Variants in OSBPL1A observed in about 807,000 individuals in gnomAD.
The protein encoded by OSBPL1A is oxysterol-binding protein-related protein 1.
Under a neutral mutation model 137.1 loss-of-function variants are expected in OSBPL1A, and 80 were observed. The observed-to-expected ratio is 0.58, with a 90% CI of 0.49 to 0.70. The LOEUF is 0.70. Among genes scored for constraint, OSBPL1A ranks in the 30% least tolerant of loss-of-function variants. The probability of loss-of-function intolerance (pLI) is 0.00; values close to 1 mark genes in which losing one functional copy is unlikely to be tolerated. For synonymous variants in OSBPL1A, 365 were observed against 389.7 expected, an observed-to-expected ratio of 0.94 and a Z score of 0.75; for missense variants, 970 against 1,129.4, an observed-to-expected ratio of 0.86 and a Z score of 2.02.
chr18:24,211,524 T>G (rs1316566654), intron 17 of OSBPL1A, among the ~76,000 whole-genome samples: 2 of 152,044 alleles, frequency 1.3e-5, no homozygotes, highest in Non-Finnish European at 2.9e-5. Context: ...AACTTTTTTG[T>G]CCCCTGAAAG....
At chr18:24,343,908 T>C (rs1308709464) in intron 4 of OSBPL1A, among the ~76,000 whole-genome samples, 1 of 152,140 alleles carries the variant, frequency 6.6e-6, no homozygotes, top group Non-Finnish European at 1.5e-5. Context: ...GAGTTAACAA[T>C]GATTTCTTGG....
At chr18:24,263,356 G>A (rs1272806570) in intron 15 of OSBPL1A, among the ~76,000 whole-genome samples, 1 of 152,118 alleles carries the variant, frequency 6.6e-6, no homozygotes, top group Non-Finnish European at 1.5e-5. Context: ...AATCTTGTGA[G>A]GTTTGCCACT....
chr18:24,222,670 A>G (rs916992722), intron 17 of OSBPL1A, among the ~76,000 whole-genome samples: 3 of 152,138 alleles, frequency 2.0e-5, no homozygotes, highest in African/African-American at 7.2e-5. Context: ...CTGTTGCACA[A>G]ATAGTTCCAT....
At chr18:24,231,748 C>T (rs1246493887) in intron 16 of OSBPL1A, among the ~76,000 whole-genome samples, 2 of 152,214 alleles carry the variant, frequency 1.3e-5, no homozygotes, top group Admixed American at 6.5e-5. Flanking sequence ...AGATCCTGAC[C>T]GCTATGCTCC....
chr18:24,332,559 T>C (rs1325770769), intron 7 of OSBPL1A, among the ~76,000 whole-genome samples: 1 of 138,552 alleles, frequency 7.2e-6, no homozygotes, highest in African/African-American at 2.9e-5. Flanking sequence ...CAATATGTAT[T>C]AAATAGAAAC....
At chr18:24,272,151 C>T in intron 15 of OSBPL1A, 1 of 983,858 alleles carries the variant, frequency 1.0e-6, no homozygotes, top group Non-Finnish European at 1.2e-6. Flanking sequence ...TCCTTGGGCT[C>T]TACGTGAGTG....
chr18:24,365,755 A>T (rs1370393763), intron 4 of OSBPL1A, among the ~76,000 whole-genome samples: 2 of 152,124 alleles, frequency 1.3e-5, no homozygotes, highest in South Asian at 4.1e-4. Flanking sequence ...ATGTTGCACA[A>T]TTTTGTAAAT....
intron 15 of OSBPL1A, among the ~76,000 whole-genome samples, chr18:24,263,019 C>T (rs938794634): frequency 3.9e-5 from 6 of 152,086 alleles, no homozygotes; most frequent in Admixed American, 2.0e-4. Context: ...TTTCCAGCTC[C>T]GCTTTTTACA....
intron 15 of OSBPL1A, among the ~76,000 whole-genome samples, chr18:24,262,273 T>C (rs1246276167): frequency 1.3e-5 from 2 of 152,236 alleles, no homozygotes; most frequent in Non-Finnish European, 1.5e-5. Context: ...GAGCCCAATC[T>C]GAGAATTTAA....
intron 2 of OSBPL1A, 50 bp from the exon 3 acceptor site, chr18:24,368,422 T>G: frequency 7.3e-7 from 1 of 1,369,938 alleles, no homozygotes; most frequent in Non-Finnish European, 1.0e-6. Context: ...TAGGTAATTT[T>G]ACAACGAAAT....
At position 24,333,011 on chromosome 18, in the gene OSBPL1A, G is replaced by A. The variant is rs201206540; in HGVS notation, c.556C>T (p.Arg186Trp). Reference sequence around the variant, plus strand: ...TTTAAGGCACATTGTTTATGGGCCCGGTAAGCTGCACAATGCAAGGGTGTA... The same window carrying A: ...TTTAAGGCACATTGTTTATGGGCCCAGTAAGCTGCACAATGCAAGGGTGTA... Reference protein sequence around the residue: ...GNTPLHCAAYRAHKQCALKLL... With the variant: ...GNTPLHCAAYWAHKQCALKLL... Residue 186 changes from arginine (R) to tryptophan (W), a missense_variant, in exon 7 of 28, where the codon CGG becomes TGG. Transcript: ENST00000319481. The A allele has an allele frequency of 3.1e-4, 507 of 1,613,942 alleles. No individual in the cohort carries two copies. Among genetic ancestry groups the A allele is most frequent in the Non-Finnish European group, 4.1e-4 (479 of 1,180,014 alleles).
At chr18:24,288,941 CT>C (rs2090122597) in intron 14 of OSBPL1A, among the ~76,000 whole-genome samples, 1 of 152,038 alleles carries the variant, frequency 6.6e-6, no homozygotes, top group African/African-American at 2.4e-5. Flanking sequence ...CCAATCTCAG[CT>C]AATCTCGGAA....
At chr18:24,360,941 T>C (rs1165617908) in intron 4 of OSBPL1A, among the ~76,000 whole-genome samples, 1 of 152,248 alleles carries the variant, frequency 6.6e-6, no homozygotes, top group African/African-American at 2.4e-5. Flanking sequence ...ATTATCTTGT[T>C]TTTACTAATG....
intron 7 of OSBPL1A, among the ~76,000 whole-genome samples, chr18:24,319,684 A>C (rs552712074): frequency 1.8e-5 from 2 of 113,912 alleles, no homozygotes; most frequent in East Asian, 4.2e-4. Flanking sequence ...AAAGGTAAAA[A>C]AACAAACAAA....
Position 24,232,891 on chromosome 18 carries a change from C to G in OSBPL1A, c.1444+6329G>C, listed in dbSNP as rs1005331464. ...GTACTCTTACATCTGCTGAGAAATG[C>G]TAAAACTGGTTTCAGTTTCATGATA... On this transcript the variant is annotated intron_variant, in intron 16 of 27. Coordinates refer to ENST00000319481, the MANE Select transcript of OSBPL1A (RefSeq NM_080597.4). Among the ~76,000 whole-genome samples the G allele has an allele frequency of 2.0e-5, 3 of 152,294 alleles. No individual in the cohort carries two copies. In the East Asian group the frequency reaches 5.8e-4, roughly 29 times the overall value.
chr18:24,164,420 G>GGTTTTTTTTTTTTT (rs199563115), intron 27 of OSBPL1A, among the ~76,000 whole-genome samples: 4 of 95,970 alleles, frequency 4.2e-5, no homozygotes, highest in Admixed American at 1.2e-4. Context: ...GAGATTTTTG[G>GGTTTTTTTTTTTTT]TTTTTTTTTT....
intron 15 of OSBPL1A, among the ~76,000 whole-genome samples, chr18:24,244,180 C>T (rs2088809790): frequency 6.6e-6 from 1 of 152,180 alleles, no homozygotes; most frequent in African/African-American, 2.4e-5. Flanking sequence ...AGAAACAGTG[C>T]CTTCTGCGCA....
At chr18:24,254,698 T>C (rs1343048626) in intron 15 of OSBPL1A, among the ~76,000 whole-genome samples, 1 of 151,592 alleles carries the variant, frequency 6.6e-6, no homozygotes, top group Non-Finnish European at 1.5e-5. Context: ...AAGAGAGAAA[T>C]TTACAGCTCT....
chr18:24,302,158 C>T (rs547378659), intron 14 of OSBPL1A, among the ~76,000 whole-genome samples: 3 of 148,866 alleles, frequency 2.0e-5, no homozygotes, highest in East Asian at 2.0e-4. Context: ...GGCATGAACA[C>T]GGGAGGCGGA....
Sources: gnomAD v4.1 joint callset for allele counts (sites outside exome capture counted in the v4.1 genomes callset) on GRCh38, gnomAD v4.1.1 for gene constraint, MANE v1.5 for transcripts, NCBI Gene and HGNC (gene_info 2026-07-23, HGNC 2026-07-21) for gene names.